Variants in ESR1 observed in about 807,000 individuals in gnomAD.
The protein encoded by ESR1 is estrogen receptor.
ESR1 carries 12 observed loss-of-function variants against 52.7 expected under a neutral mutation model. The observed-to-expected ratio is 0.23, with a 90% CI of 0.15 to 0.37. The LOEUF (loss-of-function observed/expected upper bound fraction) is 0.37. Ranked by LOEUF, ESR1 falls within the 10% of genes least tolerant of loss-of-function variation. ESR1 has a pLI of 1.00. For missense variants in ESR1, 584 were observed against 779.7 expected, an observed-to-expected ratio of 0.75 and a Z score of 2.99; for synonymous variants, 305 against 316.8, an observed-to-expected ratio of 0.96 and a Z score of 0.39.
intron 3 of ESR1, among the ~76,000 whole-genome samples, chr6:151,908,252 A>G (rs1797751117): frequency 6.6e-6 from 1 of 151,696 alleles, no homozygotes; most frequent in Non-Finnish European, 1.5e-5. Flanking sequence ...TTTTTTTTAA[A>G]TGTTTATTTC....
At chr6:151,696,510 A>G (rs1385984984) in intron 1 of ESR1, among the ~76,000 whole-genome samples, 1 of 144,250 alleles carries the variant, frequency 6.9e-6, no homozygotes, top group Non-Finnish European at 1.5e-5. Flanking sequence ...AAATAAATAA[A>G]TAAATAAATA....
intron 4 of ESR1, among the ~76,000 whole-genome samples, chr6:151,956,841 TAA>T (rs1491200551): frequency 0.12 from 2,992 of 25,512 alleles, 88 homozygotes; most frequent in African/African-American, 0.16. Context: ...TAAATATAAA[TAA>T]ATATATATAT....
At chr6:151,798,984 C>T (rs1317798234) in intron 2 of ESR1, among the ~76,000 whole-genome samples, 1 of 152,176 alleles carries the variant, frequency 6.6e-6, no homozygotes, top group Non-Finnish European at 1.5e-5. Flanking sequence ...AAGCTCTTCC[C>T]ATTTCTTTAT....
chr6:151,699,523 G>A (rs1779612510), intron 1 of ESR1, among the ~76,000 whole-genome samples: 1 of 152,170 alleles, frequency 6.6e-6, no homozygotes, highest in Admixed American at 6.5e-5. Flanking sequence ...GAGGCAGATA[G>A]CCAGTTAGAA....
chr6:151,918,235 G>C (rs2030789673), intron 3 of ESR1, among the ~76,000 whole-genome samples: 1 of 152,222 alleles, frequency 6.6e-6, no homozygotes, highest in South Asian at 2.1e-4. Context: ...TAACTCTGGA[G>C]CCTGGGATGA....
upstream of ESR1, among the ~76,000 whole-genome samples, chr6:151,803,399 G>C (rs1777454641): frequency 6.6e-6 from 1 of 152,106 alleles, no homozygotes. Flanking sequence ...AAGAAAGTGG[G>C]GATTTAAGGT....
chr6:151,911,821 G>A (rs1423779098), intron 3 of ESR1, among the ~76,000 whole-genome samples: 1 of 152,188 alleles, frequency 6.6e-6, no homozygotes, highest in East Asian at 1.9e-4. Flanking sequence ...GCTCCCAGGT[G>A]ATTCTGACAT....
rs33999531 is a variant in ESR1, at chr6:152,100,417, C to G, written c.*1451C>G. 474 of 278,868 alleles carry G rather than the reference C, an allele frequency of 1.7e-3. 2 individuals are homozygous for G. The highest frequency in any genetic ancestry group is 5.1e-3 in the African/African-American group (238 of 46,726). 17.3% of individuals were successfully genotyped at this position (278,868 alleles called of 1,614,324 possible). A position where few individuals can be genotyped will look rare whatever the true frequency, so the allele number is the denominator to read the frequency against. ...AAGAAAATCCTCCCCCTTCCTCCCC[C>G]GCCCCGTTCCCTACCGCCTCCACTC... On this transcript the variant is annotated 3_prime_UTR_variant, in exon 8 of 8. Coordinates refer to ENST00000206249, the MANE Select transcript of ESR1 (RefSeq NM_000125.4).
intron 2 of ESR1, among the ~76,000 whole-genome samples, chr6:151,849,758 A>C (rs1007982124): frequency 6.6e-6 from 1 of 151,656 alleles, no homozygotes; most frequent in Non-Finnish European, 1.5e-5. Context: ...TACATTTGAT[A>C]TAAGCATGCA....
In ESR1 at chr6:152,101,034, G is replaced by GTT. The variant is rs11285435; in HGVS notation, c.*2084_*2085dup. Reference sequence around the variant, plus strand: ...TGCAAAAACCAAGGAAAAATATTTAGTTTTTTTTTTTTTTTTTGTATACTT... The same window carrying GTT: ...TGCAAAAACCAAGGAAAAATATTTAGTTTTTTTTTTTTTTTTTTTGTATACTT... On this transcript the variant is annotated 3_prime_UTR_variant, in exon 8 of 8. Coordinates refer to ENST00000206249, the MANE Select transcript of ESR1 (RefSeq NM_000125.4). 2,005 of 192,682 alleles carry GTT rather than the reference G, an allele frequency of 0.01. 3 individuals carry two copies. Among genetic ancestry groups the GTT allele is most frequent in the Middle Eastern group, 0.015 (9 of 608 alleles). The allele number at this position is 192,682 out of a possible 1,614,324, so 11.9% of individuals were successfully genotyped here.
At chr6:151,798,922 A>G (rs1262090181) in intron 2 of ESR1, among the ~76,000 whole-genome samples, 6 of 152,218 alleles carry the variant, frequency 3.9e-5, no homozygotes, top group African/African-American at 1.4e-4. Context: ...TGTTCAAAAA[A>G]CAAATTATGT....
intron 5 of ESR1, among the ~76,000 whole-genome samples, chr6:152,055,775 CA>C (rs2047051692): frequency 6.6e-6 from 1 of 152,216 alleles, no homozygotes; most frequent in Admixed American, 6.5e-5. Flanking sequence ...CAAGTTCTTT[CA>C]CAGCAGATAT....
chr6:151,915,014 A>T (rs540062343), intron 3 of ESR1, among the ~76,000 whole-genome samples: 1 of 152,310 alleles, frequency 6.6e-6, no homozygotes, highest in East Asian at 1.9e-4. Context: ...ATCCCATCTG[A>T]TTAAATGTCA....
chr6:152,115,741 A>G (rs1373396563), intron 6 of ESR1, among the ~76,000 whole-genome samples: 1 of 152,222 alleles, frequency 6.6e-6, no homozygotes, highest in African/African-American at 2.4e-5. Context: ...AACAGACTTC[A>G]CAGAAGAGGC....
Position 151,932,467 on chromosome 6 carries a change from A to G in ESR1, c.761-11706A>G, listed in dbSNP as rs1195403369. 3.9e-5 allele frequency among the ~76,000 whole-genome samples: 5 copies of G among 128,936 alleles called. No homozygotes were observed. The East Asian group carries it at 6.7e-4, about 17-fold the overall frequency. The allele number at this position is 128,936 out of a possible 152,430, so 84.6% of individuals were successfully genotyped here. A position where few individuals can be genotyped will look rare whatever the true frequency, so the allele number is the denominator to read the frequency against. Reference sequence around the variant, plus strand: ...AAGCTCTTTAGTTTAATTAGATCCCATTTGTCAATTTTGGCTTTTGTTGCC... The same window carrying G: ...AAGCTCTTTAGTTTAATTAGATCCCGTTTGTCAATTTTGGCTTTTGTTGCC... On this transcript the variant is annotated intron_variant, in intron 3 of 7. Coordinates refer to ENST00000206249, the MANE Select transcript of ESR1 (RefSeq NM_000125.4).
rs545755960 is a variant in ESR1 at position 152,004,348 on chromosome 6, C to G, written c.1097-7308C>G. Among the ~76,000 whole-genome samples, 21 of 152,036 alleles carry G rather than the reference C, an allele frequency of 1.4e-4. 1 individual carries two copies. The South Asian group carries it at 2.7e-3, about 20-fold the overall frequency. On this transcript the variant is annotated intron_variant, in intron 4 of 7. Transcript: ENST00000206249. ...GGTTACTTGGGTTGGAGTTGAAAAC[C>G]AAGCAACAGTTGGGCAGACTTGAAA...
chr6:152,080,305 C>A (rs2049089030), intron 6 of ESR1, among the ~76,000 whole-genome samples: 1 of 151,948 alleles, frequency 6.6e-6, no homozygotes, highest in Non-Finnish European at 1.5e-5. Flanking sequence ...AGCAGAAACC[C>A]TACAAGCCAG....
intron 6 of ESR1, among the ~76,000 whole-genome samples, chr6:152,081,558 T>G (rs2049217143): frequency 6.6e-6 from 1 of 150,828 alleles, no homozygotes; most frequent in Admixed American, 6.6e-5. Flanking sequence ...ACATCACAAT[T>G]GAAAGAACTA....
chr6:151,926,462 A>G (rs1211953024), intron 3 of ESR1, among the ~76,000 whole-genome samples: 1 of 152,178 alleles, frequency 6.6e-6, no homozygotes, highest in African/African-American at 2.4e-5. Context: ...ATTGAATAAT[A>G]TGAACATGTA....
Sources: gnomAD v4.1 joint callset for allele counts (sites outside exome capture counted in the v4.1 genomes callset) on GRCh38, gnomAD v4.1.1 for gene constraint, MANE v1.5 for transcripts, NCBI Gene and HGNC (gene_info 2026-07-23, HGNC 2026-07-21) for gene names.